The following CILK1 variants were observed in gnomAD, a reference collection of about 807,000 sequenced individuals.
CILK1 encodes serine/threonine-protein kinase ICK.
A neutral mutation model predicts 79.2 loss-of-function variants in CILK1; 47 were observed. The ratio of observed to expected loss-of-function variants is 0.59; its 90% CI spans 0.47 to 0.76. CILK1 has a LOEUF of 0.76. Ranked by LOEUF, CILK1 falls within the 30% of genes least tolerant of loss-of-function variation. The probability of loss-of-function intolerance (pLI) is 0.00; values close to 1 mark genes in which losing one functional copy is unlikely to be tolerated. For missense variants in CILK1, 660 were observed against 769.5 expected (o/e 0.86, Z 1.68); for synonymous variants, 266 against 275.9 (o/e 0.96, Z 0.36).
chr6:53,022,849 G>T (rs975130371), intron 5 of CILK1, among the ~76,000 whole-genome samples: 15 of 152,170 alleles, frequency 9.9e-5, no homozygotes, highest in Non-Finnish European at 2.2e-4. Context: ...CAGAAACAAT[G>T]CAATGGACAT....
intron 1 of CILK1, among the ~76,000 whole-genome samples, chr6:53,058,421 C>T (rs1293616196): frequency 6.6e-6 from 1 of 152,134 alleles, no homozygotes; most frequent in Non-Finnish European, 1.5e-5. Flanking sequence ...ATTCTTTTTA[C>T]TAGGTAATTT....
At chr6:53,011,543 G>A (rs1460244624) in intron 11 of CILK1, among the ~76,000 whole-genome samples, 1 of 152,132 alleles carries the variant, frequency 6.6e-6, no homozygotes, top group Non-Finnish European at 1.5e-5. Context: ...AGGCTACAGT[G>A]AGCCAAGATG....
intron 5 of CILK1, among the ~76,000 whole-genome samples, chr6:53,026,853 A>C (rs1168437279): frequency 2.0e-5 from 3 of 152,194 alleles, no homozygotes; most frequent in African/African-American, 7.2e-5. Flanking sequence ...CCTTCAATTT[A>C]ATTTCACCCC....
At chr6:53,028,422 C>T (rs1448134219) in intron 5 of CILK1, among the ~76,000 whole-genome samples, 1 of 152,220 alleles carries the variant, frequency 6.6e-6, no homozygotes, top group East Asian at 1.9e-4. Flanking sequence ...CAGGCATAGG[C>T]TATCTGAACT....
intron 1 of CILK1, among the ~76,000 whole-genome samples, chr6:53,050,615 C>A (rs901859898): frequency 1.3e-5 from 2 of 151,936 alleles, no homozygotes; most frequent in African/African-American, 4.8e-5. Context: ...TGCTTAAGTC[C>A]AGGAGTTCAA....
intron 13 of CILK1, 50 bp from the exon 14 acceptor site, chr6:53,005,353 C>G: frequency 6.3e-7 from 1 of 1,596,212 alleles, no homozygotes; most frequent in Non-Finnish European, 8.6e-7. Context: ...CCAATGTAAG[C>G]AAAGTACAAA....
At chr6:53,047,270 C>T (rs1047378855) in intron 1 of CILK1, among the ~76,000 whole-genome samples, 4 of 151,990 alleles carry the variant, frequency 2.6e-5, no homozygotes, top group Admixed American at 2.0e-4. Flanking sequence ...CAATTATGAA[C>T]GAGTATGTGT....
At position 53,032,674 on chromosome 6, in the gene CILK1, C is replaced by CACAAA; in HGVS notation, c.157-25_157-21dup. 1 of 1,581,832 alleles carries CACAAA rather than the reference C, an allele frequency of 6.3e-7. No individual in the cohort carries two copies. Among genetic ancestry groups the CACAAA allele is most frequent in the South Asian group, 1.1e-5 (1 of 88,170 alleles). Reference sequence around the variant, plus strand: ...TAAAGACTAAAAGGCAAGGAATAAACACAAAACAAAACAAATATTAGAGAA... The same window carrying CACAAA: ...TAAAGACTAAAAGGCAAGGAATAAACACAAAACAAAACAAAACAAATATTAGAGAA... On this transcript the variant is annotated intron_variant, in intron 3 of 13. Transcript: ENST00000676107.
Position 53,002,075 on chromosome 6 carries a change from C to G in CILK1, c.*3074G>C, listed in dbSNP as rs1023052795. The G allele has an allele frequency of 6.6e-5, 10 of 152,408 alleles. No homozygotes were observed. The highest frequency in any genetic ancestry group is 2.4e-4 in the African/African-American group (10 of 41,434). The allele number at this position is 152,408 out of a possible 1,614,324, so 9.4% of individuals were successfully genotyped here. A position where few individuals can be genotyped will look rare whatever the true frequency, so the allele number is the denominator to read the frequency against. On this transcript the variant is annotated 3_prime_UTR_variant, in exon 14 of 14. Coordinates refer to ENST00000676107, the MANE Select transcript of CILK1 (RefSeq NM_014920.5). ...TATTAGATGTATATAGTCCTTTAGG[C>G]AAGAGATACATTTAAAAAATTATTT...
At chr6:53,036,628 C>T (rs1460479592) in intron 3 of CILK1, among the ~76,000 whole-genome samples, 1 of 152,084 alleles carries the variant, frequency 6.6e-6, no homozygotes, top group Non-Finnish European at 1.5e-5. Context: ...GTTGGCCAGG[C>T]TGGTCTCGAA....
In CILK1 at chr6:53,032,520, G is replaced by C. The variant is rs1766035101; in HGVS notation, c.278+13C>G. The C allele has an allele frequency of 6.4e-7, 1 of 1,574,218 alleles. No homozygotes were observed. The highest frequency in any genetic ancestry group is 1.3e-5 in the African/African-American group (1 of 74,168). ...TTTATTTCTATAATAAGATAATGATGACCAAACTGTACCTCTCTTTAATGA... is the reference window on the plus strand; with the variant it reads ...TTTATTTCTATAATAAGATAATGATCACCAAACTGTACCTCTCTTTAATGA... On this transcript the variant is annotated intron_variant, in intron 4 of 13. Coordinates refer to ENST00000676107, the MANE Select transcript of CILK1 (RefSeq NM_014920.5).
intron 2 of CILK1, among the ~76,000 whole-genome samples, chr6:53,039,824 G>A (rs754929445): frequency 6.6e-6 from 1 of 152,166 alleles, no homozygotes; most frequent in African/African-American, 2.4e-5. Context: ...CCCTAGTGGC[G>A]GAGGACCTCA....
rs1763957374 is a variant in CILK1 at position 53,001,770 on chromosome 6, T to C, written c.*3379A>G. 1 of 152,664 alleles carries C rather than the reference T, an allele frequency of 6.6e-6. No individual in the cohort carries two copies. The allele number at this position is 152,664 out of a possible 1,614,324, so 9.5% of individuals were successfully genotyped here. A position where few individuals can be genotyped will look rare whatever the true frequency, so the allele number is the denominator to read the frequency against. ...CATATATTATGTTGCTACAGTATGG[T>C]TTAAATGATATAAAATAATTAGTAT... is the stretch of plus-strand genomic sequence containing the variant. On this transcript the variant is annotated 3_prime_UTR_variant, in exon 14 of 14. Coordinates refer to ENST00000676107, the MANE Select transcript of CILK1 (RefSeq NM_014920.5).
At chr6:53,046,983 G>A (rs1413139252) in intron 1 of CILK1, among the ~76,000 whole-genome samples, 1 of 152,156 alleles carries the variant, frequency 6.6e-6, no homozygotes, top group African/African-American at 2.4e-5. Context: ...AAATGTTGGC[G>A]AATACAAGAG....
intron 1 of CILK1, among the ~76,000 whole-genome samples, chr6:53,058,665 T>A (rs1397847732): frequency 6.6e-6 from 1 of 151,976 alleles, no homozygotes; most frequent in Non-Finnish European, 1.5e-5. Flanking sequence ...AAAGCCACAG[T>A]CATCAAAGAC....
intron 3 of CILK1, among the ~76,000 whole-genome samples, chr6:53,036,724 A>G (rs1269977578): frequency 6.6e-6 from 1 of 152,146 alleles, no homozygotes; most frequent in Non-Finnish European, 1.5e-5. Flanking sequence ...CCCAAAAAAG[A>G]TAAAAAAGAA....
intron 1 of CILK1, among the ~76,000 whole-genome samples, chr6:53,050,375 A>T (rs757152295): frequency 6.6e-6 from 1 of 152,036 alleles, no homozygotes; most frequent in Non-Finnish European, 1.5e-5. Flanking sequence ...GTTAAAAAAA[A>T]GAAGCCAACT....
At chr6:53,038,203 G>A (rs1353310793) in intron 2 of CILK1, among the ~76,000 whole-genome samples, 2 of 152,202 alleles carry the variant, frequency 1.3e-5, no homozygotes, top group African/African-American at 4.8e-5. Context: ...TAGCAGTGGT[G>A]TGGTGCAGTC....
intron 1 of CILK1, among the ~76,000 whole-genome samples, chr6:53,058,064 C>G (rs548330674): frequency 6.6e-6 from 1 of 152,270 alleles, no homozygotes; most frequent in East Asian, 1.9e-4. Flanking sequence ...CTCTTCCTAC[C>G]CAGGAAGACT....
Sources: allele counts gnomAD v4.1 joint callset (sites outside exome capture counted in the v4.1 genomes callset), GRCh38; gene constraint gnomAD v4.1.1; transcripts MANE v1.5; gene names NCBI Gene and HGNC (gene_info 2026-07-23, HGNC 2026-07-21).